Variants in TSHZ2 observed in about 807,000 individuals in gnomAD.
TSHZ2 encodes the protein teashirt zinc finger homeobox 2.
A neutral mutation model predicts 74.4 loss-of-function variants in TSHZ2; 21 were observed. The observed-to-expected ratio is 0.28, with a 90% CI of 0.20 to 0.41. The LOEUF (loss-of-function observed/expected upper bound fraction) is 0.41, where lower values mean the gene tolerates loss of function less well. TSHZ2 is among the 10% of genes least tolerant of loss of function. TSHZ2 has a pLI of 1.00. For missense variants in TSHZ2, 1,244 were observed against 1,293.5 expected (o/e 0.96, Z 0.59); for synonymous variants, 540 against 515.3 (o/e 1.05, Z -0.65).
At chr20:53,382,644 G>A (rs956373391) in intron 2 of TSHZ2, among the ~76,000 whole-genome samples, 10 of 152,114 alleles carry the variant, frequency 6.6e-5, no homozygotes, top group Non-Finnish European at 1.0e-4. Context: ...CCTTTCTCAG[G>A]CACTCCATGG....
At chr20:53,072,989 T>C (rs375907807) in intron 1 of TSHZ2, among the ~76,000 whole-genome samples, 2,295 of 100,992 alleles carry the variant, frequency 0.023, 1 homozygote, top group Middle Eastern at 0.034. Flanking sequence ...ATCCCTCCCT[T>C]CATCCATCCC....
chr20:53,030,196 C>T (rs575977566), intron 1 of TSHZ2, among the ~76,000 whole-genome samples: 1 of 152,270 alleles, frequency 6.6e-6, no homozygotes, highest in East Asian at 1.9e-4. Flanking sequence ...TGAACCCCGC[C>T]ACTCAGCCTC....
intron 2 of TSHZ2, among the ~76,000 whole-genome samples, chr20:53,270,410 G>T (rs78566477): frequency 0.01 from 1,582 of 152,164 alleles, 26 homozygotes; most frequent in African/African-American, 0.036. Context: ...TATAAAGAAG[G>T]AACTATGATT....
At chr20:53,335,591 G>A (rs944703464) in intron 2 of TSHZ2, among the ~76,000 whole-genome samples, 8 of 152,150 alleles carry the variant, frequency 5.3e-5, no homozygotes, top group Admixed American at 2.0e-4. Flanking sequence ...TTTGCATATC[G>A]GAAGAATCAT....
chr20:53,203,449 C>T (rs1989058707), intron 1 of TSHZ2, among the ~76,000 whole-genome samples: 2 of 152,020 alleles, frequency 1.3e-5, no homozygotes, highest in South Asian at 4.2e-4. Context: ...CCCACCTCCA[C>T]CCAAATTTTA....
intron 1 of TSHZ2, among the ~76,000 whole-genome samples, chr20:52,974,738 C>A (rs1600624215): frequency 6.6e-6 from 1 of 152,184 alleles, no homozygotes; most frequent in South Asian, 2.1e-4. Context: ...GTTGAACCAC[C>A]AAGCTCATCC....
At chr20:53,178,749 TTAA>T (rs1268445004) in intron 1 of TSHZ2, 5 of 152,352 alleles carry the variant, frequency 3.3e-5, no homozygotes, top group Middle Eastern at 3.4e-3. Flanking sequence ...AAAATGAAGC[TTAA>T]TTTTCCTTTG....
At chr20:53,444,353 T>C (rs1457890695) in intron 2 of TSHZ2, among the ~76,000 whole-genome samples, 1 of 152,176 alleles carries the variant, frequency 6.6e-6, no homozygotes, top group Non-Finnish European at 1.5e-5. Context: ...AGAGAGCCAC[T>C]GGTGGCTACC....
At chr20:53,093,022 C>G (rs1985931492) in intron 1 of TSHZ2, among the ~76,000 whole-genome samples, 1 of 152,118 alleles carries the variant, frequency 6.6e-6, no homozygotes, top group Admixed American at 6.5e-5. Context: ...TTGCCCTGTG[C>G]TAGGGAGCAC....
At chr20:53,314,587 C>A (rs965658336) in intron 2 of TSHZ2, among the ~76,000 whole-genome samples, 8 of 151,266 alleles carry the variant, frequency 5.3e-5, no homozygotes, top group Admixed American at 4.0e-4. Flanking sequence ...TTCCAATCTC[C>A]TTACGAACAG....
At chr20:53,023,551 A>G (rs943835765) in intron 1 of TSHZ2, among the ~76,000 whole-genome samples, 1 of 152,110 alleles carries the variant, frequency 6.6e-6, no homozygotes, top group Non-Finnish European at 1.5e-5. Context: ...GATGTGACAG[A>G]GGCGTTAATA....
intron 1 of TSHZ2, among the ~76,000 whole-genome samples, chr20:53,113,698 T>G (rs1986595074): frequency 6.6e-6 from 1 of 152,218 alleles, no homozygotes; most frequent in Non-Finnish European, 1.5e-5. Flanking sequence ...TGAGTGTGTC[T>G]GAACAATAAC....
chr20:53,121,795 T>C (rs996871912), intron 1 of TSHZ2, among the ~76,000 whole-genome samples: 3 of 152,114 alleles, frequency 2.0e-5, no homozygotes, highest in African/African-American at 7.2e-5. Flanking sequence ...CTTCTCTAAG[T>C]TTCTCGGGGA....
chr20:53,172,338 ATCT>A (rs944704518), intron 1 of TSHZ2, among the ~76,000 whole-genome samples: 3 of 152,162 alleles, frequency 2.0e-5, no homozygotes, highest in African/African-American at 7.2e-5. Context: ...AATTGGCCAA[ATCT>A]TCTTCTAGCT....
At chr20:53,251,309 G>A (rs1177820806) in intron 1 of TSHZ2, among the ~76,000 whole-genome samples, 1 of 152,162 alleles carries the variant, frequency 6.6e-6, no homozygotes, top group Non-Finnish European at 1.5e-5. Context: ...ATTCTCTGAT[G>A]TATGTTACTT....
intron 1 of TSHZ2, among the ~76,000 whole-genome samples, chr20:53,105,362 C>T (rs560755682): frequency 7.2e-5 from 11 of 152,290 alleles, no homozygotes; most frequent in South Asian, 2.1e-4. Context: ...GAATGTTTAG[C>T]GGCATCCCAG....
At chr20:53,159,090 AGCCTCTT>A (rs1987865417) in intron 1 of TSHZ2, among the ~76,000 whole-genome samples, 1 of 152,256 alleles carries the variant, frequency 6.6e-6, no homozygotes, top group South Asian at 2.1e-4. Context: ...TTTATTTGAC[AGCCTCTT>A]ACCCTCACAA....
intron 2 of TSHZ2, among the ~76,000 whole-genome samples, chr20:53,441,768 G>A (rs1417088117): frequency 6.6e-6 from 1 of 151,292 alleles, no homozygotes; most frequent in Non-Finnish European, 1.5e-5. Flanking sequence ...TTTCAATAGA[G>A]GCAGGGTTTT....
chr20:53,096,947 CAAA>C (rs201536999), intron 1 of TSHZ2, among the ~76,000 whole-genome samples: 1 of 148,850 alleles, frequency 6.7e-6, no homozygotes, highest in Non-Finnish European at 1.5e-5. Flanking sequence ...AAACAAAAAA[CAAA>C]AAAAAACAAC....
Sources: allele counts gnomAD v4.1 joint callset (sites outside exome capture counted in the v4.1 genomes callset), GRCh38; gene constraint gnomAD v4.1.1; transcripts MANE v1.5; gene names NCBI Gene and HGNC (gene_info 2026-07-23, HGNC 2026-07-21).